STK32B: variants seen among roughly 807,000 people sequenced by gnomAD.
STK32B encodes serine/threonine-protein kinase 32B.
A neutral mutation model predicts 52.6 loss-of-function variants in STK32B; 43 were observed. That is an observed-to-expected ratio of 0.82 (90% confidence interval 0.64 to 1.05). STK32B has a LOEUF of 1.05. STK32B is among the 50% of genes least tolerant of loss of function. The pLI, the probability that STK32B is intolerant of heterozygous loss-of-function variation, is 0.00. For synonymous variants in STK32B, 238 were observed against 204.3 expected (o/e 1.17, Z -1.41); for missense variants, 621 against 534.6 (o/e 1.16, Z -1.59).
At chr4:5,020,252 C>A in the STK32B span, among the ~76,000 whole-genome samples, 1 of 152,158 alleles carries the variant, frequency 6.6e-6, no homozygotes, top group Non-Finnish European at 1.5e-5. Context: ...ACTTAGACGC[C>A]GTGGGTGCAA....
intron 3 of STK32B, among the ~76,000 whole-genome samples, chr4:5,187,627 G>GGGGGGGGGGGCGGGGGGGGGGAGGA (rs1720851183): frequency 1.4e-5 from 2 of 141,606 alleles, no homozygotes; most frequent in Admixed American, 7.4e-5. Flanking sequence ...GCGGGGGAGG[G>GGGGGGGGGGGCGGGGGGGGGGAGGA]GGGGGACAAG....
chr4:5,339,266 C>A (rs759386107), intron 4 of STK32B, among the ~76,000 whole-genome samples: 5 of 152,088 alleles, frequency 3.3e-5, no homozygotes, highest in Non-Finnish European at 5.9e-5. Flanking sequence ...CCACGGGAGC[C>A]GATTCCCATG....
intron 4 of STK32B, among the ~76,000 whole-genome samples, chr4:5,356,241 C>T (rs1197607934): frequency 1.3e-5 from 2 of 152,150 alleles, no homozygotes; most frequent in African/African-American, 4.8e-5. Context: ...TACCTCCATC[C>T]TCACATGACC....
At chr4:5,204,436 GTTTGTTTTTGTTTTTTAGGTTTTTTTGT>G in intron 3 of STK32B, among the ~76,000 whole-genome samples, 1 of 99,780 alleles carries the variant, frequency 1.0e-5, no homozygotes, top group Non-Finnish European at 2.3e-5. Flanking sequence ...GGTTTTTTTT[GTTTGTTTTTGTTTTTTAGGTTTTTTTGT>G]TTTGTTTTGT....
At chr4:5,199,048 A>C (rs777875787) in intron 3 of STK32B, among the ~76,000 whole-genome samples, 1 of 152,172 alleles carries the variant, frequency 6.6e-6, no homozygotes, top group Non-Finnish European at 1.5e-5. Flanking sequence ...CTGATGAAGC[A>C]CAACTCATTC....
At chr4:5,350,486 TA>T (rs939025852) in intron 4 of STK32B, among the ~76,000 whole-genome samples, 1 of 151,404 alleles carries the variant, frequency 6.6e-6, no homozygotes, top group Admixed American at 6.6e-5. Flanking sequence ...AAACCACTGG[TA>T]AAACAACACA....
At chr4:5,485,854 C>T (rs545456548) in intron 11 of STK32B, among the ~76,000 whole-genome samples, 17 of 152,334 alleles carry the variant, frequency 1.1e-4, no homozygotes, top group African/African-American at 3.6e-4. Context: ...GAGGTCCACT[C>T]CAGACCCTGT....
At position 5,420,457 on chromosome 4, in the gene STK32B, T is replaced by C. The variant is rs370389095; in HGVS notation, c.562+3523T>C. ...ATTCAGCAACTGATGGGATGGAGAA[T>C]GGGGGCAACGGCAACTTCTCGGGTC... On this transcript the variant is annotated intron_variant, in intron 6 of 11. Transcript: ENST00000282908. Among the ~76,000 whole-genome samples, 4 of 152,126 alleles carry C rather than the reference T, an allele frequency of 2.6e-5. No homozygotes were observed. In the South Asian group the frequency reaches 6.2e-4, roughly 24 times the overall value.
intron 1 of STK32B, among the ~76,000 whole-genome samples, chr4:5,117,141 G>C (rs1425938920): frequency 2.0e-5 from 3 of 152,004 alleles, no homozygotes; most frequent in Admixed American, 2.0e-4. Flanking sequence ...TCTTTTTCTT[G>C]TCTAATTGCT....
chr4:5,134,466 C>G (rs1347243442), intron 1 of STK32B, among the ~76,000 whole-genome samples: 1 of 152,172 alleles, frequency 6.6e-6, no homozygotes, highest in African/African-American at 2.4e-5. Context: ...AGGCCCTCAT[C>G]AGATGCCAGC....
At chr4:5,201,244 G>T (rs189171986) in intron 3 of STK32B, among the ~76,000 whole-genome samples, 53 of 152,300 alleles carry the variant, frequency 3.5e-4, no homozygotes, top group South Asian at 6.2e-4. Context: ...CCGAAAGTCA[G>T]TGTTGCTCAC....
At chr4:5,353,185 G>A (rs1733947980) in intron 4 of STK32B, among the ~76,000 whole-genome samples, 1 of 152,120 alleles carries the variant, frequency 6.6e-6, no homozygotes, top group Admixed American at 6.5e-5. Flanking sequence ...AATGGTGCTA[G>A]GAGAACTGTA....
intron 1 of STK32B, among the ~76,000 whole-genome samples, chr4:5,129,873 G>A (rs959580998): frequency 6.6e-6 from 1 of 152,064 alleles, no homozygotes; most frequent in African/African-American, 2.4e-5. Context: ...TCATTCACTT[G>A]TTCTTTCTTT....
At chr4:5,165,717 C>G (rs1179351283) in intron 2 of STK32B, among the ~76,000 whole-genome samples, 2 of 152,192 alleles carry the variant, frequency 1.3e-5, no homozygotes, top group Admixed American at 6.5e-5. Flanking sequence ...CCCACAAAGC[C>G]AGGACCCCTG....
intron 6 of STK32B, among the ~76,000 whole-genome samples, chr4:5,418,384 T>C (rs1015844100): frequency 2.0e-4 from 31 of 152,212 alleles, no homozygotes; most frequent in Non-Finnish European, 5.9e-5. Flanking sequence ...GCCTAGATAA[T>C]CCCCATTTAC....
the STK32B span, among the ~76,000 whole-genome samples, chr4:5,029,531 T>C: frequency 6.6e-6 from 1 of 152,086 alleles, no homozygotes; most frequent in East Asian, 1.9e-4. Context: ...AATGGGAACC[T>C]GAGACCTAGG....
At chr4:5,233,481 A>G (rs1724416135) in intron 3 of STK32B, among the ~76,000 whole-genome samples, 1 of 152,134 alleles carries the variant, frequency 6.6e-6, no homozygotes, top group African/African-American at 2.4e-5. Context: ...AAGGACTGGC[A>G]GTATCAATGA....
chr4:5,292,045 G>A (rs891185472), intron 3 of STK32B, among the ~76,000 whole-genome samples: 1 of 152,066 alleles, frequency 6.6e-6, no homozygotes, highest in Non-Finnish European at 1.5e-5. Context: ...GATTCCATGC[G>A]ATAGGCAGCA....
intron 1 of STK32B, among the ~76,000 whole-genome samples, chr4:5,079,655 G>T (rs570904985): frequency 6.6e-6 from 1 of 151,994 alleles, no homozygotes; most frequent in Non-Finnish European, 1.5e-5. Context: ...CAAAATTTTG[G>T]GGTCATCCTT....
Sources: allele counts gnomAD v4.1 joint callset (sites outside exome capture counted in the v4.1 genomes callset), GRCh38; gene constraint gnomAD v4.1.1; transcripts MANE v1.5; gene names NCBI Gene and HGNC (gene_info 2026-07-23, HGNC 2026-07-21).